Variants in HHLA2 observed in about 807,000 individuals in gnomAD.
HHLA2 encodes the protein HHLA2 member of B7 family.
Under a neutral mutation model 45.9 loss-of-function variants are expected in HHLA2, and 48 were observed. The observed-to-expected ratio is 1.05, with a 90% CI of 0.83 to 1.33. The LOEUF (loss-of-function observed/expected upper bound fraction) is 1.33. Among genes scored for constraint, HHLA2 ranks in the 40% most tolerant of loss-of-function variants. The pLI is 0.00. For synonymous variants in HHLA2, 161 were observed against 173.9 expected, an observed-to-expected ratio of 0.93 and a Z score of 0.59; for missense variants, 462 against 494.3, an observed-to-expected ratio of 0.93 and a Z score of 0.62.
At chr3:108,353,674 G>A (rs777238594) in exon 5 of HHLA2, 16 of 1,613,560 alleles carry the variant, frequency 9.9e-6, no homozygotes, top group African/African-American at 5.3e-5. Context: ...ATGGGAATGC[G>A]TCGCTATTTT....
At chr3:108,301,860 T>C (rs964898904) in intron 1 of HHLA2, among the ~76,000 whole-genome samples, 1 of 152,184 alleles carries the variant, frequency 6.6e-6, no homozygotes, top group Non-Finnish European at 1.5e-5. Context: ...TGCTTCTAAA[T>C]TGGTTTCATC....
chr3:108,376,651 G>A, intron 10 of HHLA2, 94 bp downstream of exon 9: 1 of 1,097,232 alleles, frequency 9.1e-7, no homozygotes, highest in Non-Finnish European at 1.3e-6. Flanking sequence ...ATATCATCAA[G>A]CAAGACTTTT....
At chr3:108,357,633 G>C (rs2081917907) in intron 6 of HHLA2, among the ~76,000 whole-genome samples, 1 of 152,134 alleles carries the variant, frequency 6.6e-6, no homozygotes, top group African/African-American at 2.4e-5. Flanking sequence ...CCTCCTTGAA[G>C]GTCTAAACTA....
intron 7 of HHLA2, among the ~76,000 whole-genome samples, chr3:108,360,688 A>G (rs1210170548): frequency 1.3e-5 from 2 of 152,190 alleles, no homozygotes; most frequent in South Asian, 4.1e-4. Context: ...GCGTGACACG[A>G]TATTTCTTCA....
intron 2 of HHLA2, among the ~76,000 whole-genome samples, chr3:108,315,503 G>A (rs971193992): frequency 2.0e-5 from 3 of 152,132 alleles, no homozygotes; most frequent in Non-Finnish European, 2.9e-5. Flanking sequence ...CTCTTTATTA[G>A]AAAATAATCA....
chr3:108,334,624 A>G (rs1336170961), intron 3 of HHLA2, among the ~76,000 whole-genome samples: 1 of 152,218 alleles, frequency 6.6e-6, no homozygotes, highest in Non-Finnish European at 1.5e-5. Flanking sequence ...ATTATATCCC[A>G]CAAGGCCTAT....
exon 8 of HHLA2, chr3:108,362,423 T>C: frequency 1.9e-6 from 3 of 1,611,118 alleles, no homozygotes; most frequent in African/African-American, 2.7e-5. Flanking sequence ...TTTCTGCTGA[T>C]TTGGAGCGTA....
intron 3 of HHLA2, among the ~76,000 whole-genome samples, chr3:108,340,909 TTCCTTCCTTCCTTCC>T (rs2081558202): frequency 1.6e-5 from 1 of 62,546 alleles, no homozygotes; most frequent in East Asian, 3.2e-4. Context: ...TTTTTTTTTT[TTCCTTCCTTCCTTCC>T]TTCCTTCCTT....
At chr3:108,330,703 G>A (rs1306611416) in intron 3 of HHLA2, among the ~76,000 whole-genome samples, 1 of 152,082 alleles carries the variant, frequency 6.6e-6, no homozygotes, top group Non-Finnish European at 1.5e-5. Context: ...AAGTGAGCTT[G>A]GAAGGGGATC....
intron 3 of HHLA2, among the ~76,000 whole-genome samples, chr3:108,342,195 A>G (rs563621463): frequency 3.3e-5 from 5 of 151,592 alleles, no homozygotes; most frequent in Admixed American, 1.3e-4. Context: ...GTCTTCTTTT[A>G]ATGGTATTCT....
chr3:108,322,138 A>G (rs1351526925), intron 2 of HHLA2, among the ~76,000 whole-genome samples: 1 of 152,096 alleles, frequency 6.6e-6, no homozygotes, highest in Non-Finnish European at 1.5e-5. Context: ...TAATCCCTCA[A>G]TGTCTGCTTA....
intron 10 of HHLA2, 186 bp downstream of exon 9, chr3:108,376,743 A>C: frequency 1.9e-6 from 1 of 514,186 alleles, no homozygotes; most frequent in South Asian, 2.4e-5. Context: ...GTCTATAATT[A>C]AACAGGCTCT....
At chr3:108,340,411 T>C (rs908302335) in intron 3 of HHLA2, among the ~76,000 whole-genome samples, 1 of 152,208 alleles carries the variant, frequency 6.6e-6, no homozygotes, top group Non-Finnish European at 1.5e-5. Context: ...TCAGCATTGG[T>C]TACACATGCT....
intron 8 of HHLA2, among the ~76,000 whole-genome samples, chr3:108,365,253 A>G (rs2082045511): frequency 6.6e-6 from 1 of 152,172 alleles, no homozygotes; most frequent in Non-Finnish European, 1.5e-5. Flanking sequence ...TTAAACAGGG[A>G]ATCCTTTCCC....
chr3:108,330,089 A>G (rs1275947624), intron 3 of HHLA2, among the ~76,000 whole-genome samples: 1 of 152,152 alleles, frequency 6.6e-6, no homozygotes, highest in Non-Finnish European at 1.5e-5. Flanking sequence ...GGGGCCATTC[A>G]CACAGCACAG....
exon 6 of HHLA2, chr3:108,355,264 T>A (rs1480752083): frequency 6.2e-7 from 1 of 1,613,752 alleles, no homozygotes; most frequent in Non-Finnish European, 8.5e-7. Context: ...AACAGGGTCT[T>A]TGGATTCTTT....
At chr3:108,349,477 A>G (rs1280587291) in intron 3 of HHLA2, among the ~76,000 whole-genome samples, 1 of 152,194 alleles carries the variant, frequency 6.6e-6, no homozygotes, top group Admixed American at 6.5e-5. Context: ...ACCAATAACA[A>G]GTTCTGAAAT....
At chr3:108,325,842 C>A in intron 2 of HHLA2, 1 of 366,956 alleles carries the variant, frequency 2.7e-6, no homozygotes, top group Non-Finnish European at 5.3e-6. Flanking sequence ...CCTCCACGAC[C>A]ACCACTCACA....
chr3:108,351,792 A>G, exon 4 of HHLA2: 1 of 1,607,410 alleles, frequency 6.2e-7, no homozygotes. Context: ...TGATAGCATG[A>G]CTAATATGTT....
Sources: gnomAD v4.1 joint callset for allele counts (sites outside exome capture counted in the v4.1 genomes callset) on GRCh38, gnomAD v4.1.1 for gene constraint, MANE v1.5 for transcripts, NCBI Gene and HGNC (gene_info 2026-07-23, HGNC 2026-07-21) for gene names.